Variants in DYNC2I1 observed in about 807,000 individuals in gnomAD.
The protein encoded by DYNC2I1 is cytoplasmic dynein 2 intermediate chain 1.
Under a neutral mutation model 133.4 loss-of-function variants are expected in DYNC2I1, and 89 were observed. That is an observed-to-expected ratio of 0.67 (90% confidence interval 0.56 to 0.80). DYNC2I1 has a LOEUF of 0.80. Among genes scored for constraint, DYNC2I1 ranks in the 30% least tolerant of loss-of-function variants. DYNC2I1 has a pLI of 0.00. For synonymous variants in DYNC2I1, 504 were observed against 484.3 expected, an observed-to-expected ratio of 1.04 and a Z score of -0.54; for missense variants, 1,291 against 1,314.5, an observed-to-expected ratio of 0.98 and a Z score of 0.28.
chr7:158,867,236 T>C lies in DYNC2I1; in HGVS notation c.16-2619T>C, dbSNP rs1842490506. 2.0e-5 allele frequency among the ~76,000 whole-genome samples: 3 copies of C among 152,166 alleles called. No individual in the cohort carries two copies. The South Asian group carries it at 6.2e-4, about 31-fold the overall frequency. On this transcript the variant is annotated intron_variant, in intron 1 of 24. Coordinates refer to ENST00000407559, the MANE Select transcript of DYNC2I1 (RefSeq NM_018051.5). The stretch of plus-strand genomic sequence containing the variant: ...GTTGTGGGGTTGTACCCTGTGTTGT[T>C]GGAGTGTGTTACTATGGCGTGGTGA...
At chr7:158,864,991 C>T (rs1020428328) in intron 1 of DYNC2I1, among the ~76,000 whole-genome samples, 2 of 152,192 alleles carry the variant, frequency 1.3e-5, no homozygotes, top group South Asian at 2.1e-4. Context: ...GCCCAGCTGT[C>T]GGAGGTTATG....
intron 9 of DYNC2I1, 114 bp from the exon 10 acceptor site, chr7:158,902,262 G>T: frequency 1.9e-5 from 16 of 845,776 alleles, no homozygotes; most frequent in Non-Finnish European, 2.7e-5. Context: ...TTTCTTAGCT[G>T]TAATAAGGAC....
At chr7:158,921,228 C>T (rs1241211014) in intron 15 of DYNC2I1, among the ~76,000 whole-genome samples, 1 of 152,128 alleles carries the variant, frequency 6.6e-6, no homozygotes, top group African/African-American at 2.4e-5. Context: ...AGAGACGGGC[C>T]ACAGGGAGAT....
chr7:158,883,615 C>G (rs112979527), intron 5 of DYNC2I1, among the ~76,000 whole-genome samples: 47 of 144,386 alleles, frequency 3.3e-4, no homozygotes, highest in African/African-American at 1.1e-3. Context: ...TGAGTAAGTA[C>G]AATAAATATA....
At chr7:158,912,255 C>G (rs796836774) in intron 12 of DYNC2I1, among the ~76,000 whole-genome samples, 4 of 152,274 alleles carry the variant, frequency 2.6e-5, no homozygotes, top group African/African-American at 9.6e-5. Flanking sequence ...ATCATTAATT[C>G]ATTATGTGAT....
At chr7:158,913,179 C>A in intron 13 of DYNC2I1, 83 bp downstream of exon 13, 1 of 1,067,338 alleles carries the variant, frequency 9.4e-7, no homozygotes, top group Non-Finnish European at 1.4e-6. Flanking sequence ...CTTTCTGGTT[C>A]ACTTTCATTT....
intron 1 of DYNC2I1, among the ~76,000 whole-genome samples, chr7:158,866,287 C>A (rs1270858209): frequency 1.3e-5 from 2 of 151,698 alleles, no homozygotes; most frequent in Non-Finnish European, 2.9e-5. Flanking sequence ...GTGCCCATGT[C>A]TCCTGGTTGG....
rs886619618 is a variant in DYNC2I1, at chr7:158,871,541, G to T, written c.469G>T (p.Ala157Ser). 8.4e-6 allele frequency: 13 copies of T among 1,540,500 alleles called. No individual in the cohort carries two copies. The highest frequency in any genetic ancestry group is 1.4e-5 in the African/African-American group (1 of 72,628). ...ETRDRQLLER[A>S]ERKGRSVSKV... Reference sequence around the variant, plus strand: ...ACGCGACCGGCAGCTCCTGGAGCGGGCGGAGAGGAAAGGCCGCTCAGGTGG... The same window carrying T: ...ACGCGACCGGCAGCTCCTGGAGCGGTCGGAGAGGAAAGGCCGCTCAGGTGG... Residue 157 changes from alanine to serine, a missense_variant, in exon 3 of 25, where the codon GCG becomes TCG. Transcript: ENST00000407559.
At chr7:158,865,884 G>A (rs565101351) in intron 1 of DYNC2I1, among the ~76,000 whole-genome samples, 1 of 152,272 alleles carries the variant, frequency 6.6e-6, no homozygotes, top group Admixed American at 6.5e-5. Context: ...TGAACAGTTT[G>A]AAACTCTAGA....
intron 7 of DYNC2I1, among the ~76,000 whole-genome samples, chr7:158,890,849 G>C (rs2788481): frequency 0.99 from 151,325 of 152,314 alleles, 75,177 homozygotes; most frequent in Middle Eastern, 1. Flanking sequence ...GCTAGTATTA[G>C]AGGCGTGAAC....
At chr7:158,922,760 C>T (rs531959717) in intron 16 of DYNC2I1, among the ~76,000 whole-genome samples, 61 of 152,250 alleles carry the variant, frequency 4.0e-4, no homozygotes, top group Middle Eastern at 3.4e-3. Flanking sequence ...AATGAGCAAA[C>T]GAGAATTTTC....
intron 14 of DYNC2I1, among the ~76,000 whole-genome samples, chr7:158,915,957 A>G (rs62476484): frequency 0.07 from 861 of 12,362 alleles, no homozygotes; most frequent in Middle Eastern, 0.17. Flanking sequence ...ACGTTGACAC[A>G]GTGGTTGACA....
At position 158,912,987 on chromosome 7, in the gene DYNC2I1, A is replaced by T; in HGVS notation, c.1593A>T (p.Ala531=). The stretch of plus-strand genomic sequence containing the variant: ...TTTGGCATATTTTTGTTTTTAAGGC[A>T]TATGTTCAGTGTAACGAAGATAATG... The part of the protein sequence containing the change: ...RNFGKKNTKQ[A]YVQCNEDNVE... Residue 531 remains alanine (A), a splice_region_variant and synonymous_variant, in exon 13 of 25, where the codon GCA becomes GCT. Coordinates refer to ENST00000407559, the MANE Select transcript of DYNC2I1 (RefSeq NM_018051.5). 1 of 1,607,160 alleles carries T rather than the reference A, an allele frequency of 6.2e-7. No individual in the cohort carries two copies. Among genetic ancestry groups the T allele is most frequent in the Admixed American group, 1.7e-5 (1 of 58,664 alleles).
Position 158,938,579 on chromosome 7 carries a change from A to C in DYNC2I1, c.2779-3346A>C, listed in dbSNP as rs1339718530. Reference sequence around the variant, plus strand: ...CGAGACCAGCCTGGCCAACATGATGAAATATGTCTCTACTAAAAATATAAA... The same window carrying C: ...CGAGACCAGCCTGGCCAACATGATGCAATATGTCTCTACTAAAAATATAAA... On this transcript the variant is annotated intron_variant, in intron 23 of 24. Coordinates refer to ENST00000407559, the MANE Select transcript of DYNC2I1 (RefSeq NM_018051.5). 6.6e-5 allele frequency among the ~76,000 whole-genome samples: 10 copies of C among 152,208 alleles called. No homozygotes were observed. The East Asian group carries it at 1.7e-3, about 26-fold the overall frequency.
intron 5 of DYNC2I1, among the ~76,000 whole-genome samples, chr7:158,881,457 T>G (rs1844007371): frequency 1.3e-5 from 2 of 152,228 alleles, no homozygotes; most frequent in South Asian, 2.1e-4. Flanking sequence ...TTATTTTTAT[T>G]TATTTATTTA....
intron 1 of DYNC2I1, 31 bp downstream of exon 1, chr7:158,856,781 T>G (rs1841278090): frequency 1.5e-5 from 18 of 1,233,390 alleles, no homozygotes; most frequent in Non-Finnish European, 1.7e-5. Context: ...GGGCGAGGGG[T>G]GGTCGAGCTT....
At chr7:158,879,074 G>A (rs1843728112) in intron 4 of DYNC2I1, among the ~76,000 whole-genome samples, 1 of 152,168 alleles carries the variant, frequency 6.6e-6, no homozygotes, top group Admixed American at 6.5e-5. Context: ...CACCATGTGG[G>A]GAGGCATTGC....
chr7:158,871,285 C>G lies in DYNC2I1; in HGVS notation c.213C>G (p.Ala71=), dbSNP rs573392724. 2 of 1,590,406 alleles carry G rather than the reference C, an allele frequency of 1.3e-6. No homozygotes were observed. Among genetic ancestry groups the G allele is most frequent in the South Asian group, 1.1e-5 (1 of 88,212 alleles). The change falls in exon 3 of 25, where the codon GCC becomes GCG. Residue 71 remains alanine, a synonymous_variant. Transcript: ENST00000407559. Reference sequence around the variant, plus strand: ...ATGCCAGGAGCAGAGACAGGGTGGCCGAAGTCCACACCGCTAAGGAGAGTC... The same window carrying G: ...ATGCCAGGAGCAGAGACAGGGTGGCGGAAGTCCACACCGCTAAGGAGAGTC... ...DQDARSRDRV[A]EVHTAKESPR...
At chr7:158,887,894 G>C (rs187335269) in intron 7 of DYNC2I1, among the ~76,000 whole-genome samples, 2 of 151,874 alleles carry the variant, frequency 1.3e-5, no homozygotes, top group Admixed American at 1.3e-4. Context: ...GTACATCAGC[G>C]TTTCTCCACA....
Sources: gnomAD v4.1 joint callset for allele counts (sites outside exome capture counted in the v4.1 genomes callset) on GRCh38, gnomAD v4.1.1 for gene constraint, MANE v1.5 for transcripts, NCBI Gene and HGNC (gene_info 2026-07-23, HGNC 2026-07-21) for gene names.